SND1: variants seen among roughly 807,000 people sequenced by gnomAD.
SND1 encodes staphylococcal nuclease domain-containing protein 1.
Under a neutral mutation model 121.7 loss-of-function variants are expected in SND1, and 38 were observed. That is an observed-to-expected ratio of 0.31 (90% CI 0.24 to 0.41). The LOEUF is 0.41. Among genes scored for constraint, SND1 ranks in the 10% least tolerant of loss-of-function variants. The pLI is 1.00. For missense variants in SND1, 868 were observed against 1,184.6 expected (o/e 0.73, Z 3.92); for synonymous variants, 401 against 447.4 (o/e 0.90, Z 1.31).
chr7:127,844,212 A>G, intron 11 of SND1, 112 bp from the exon 12 acceptor site: 1 of 656,862 alleles, frequency 1.5e-6, no homozygotes, highest in Non-Finnish European at 2.4e-6. Flanking sequence ...TCTTAGATTC[A>G]GAAAACCAAA....
intron 10 of SND1, among the ~76,000 whole-genome samples, chr7:127,756,818 T>C (rs1206908328): frequency 1.3e-5 from 2 of 152,220 alleles, no homozygotes; most frequent in East Asian, 3.8e-4. Flanking sequence ...ACGGTACATA[T>C]TTTAAGAATT....
intron 2 of SND1, among the ~76,000 whole-genome samples, chr7:127,688,714 C>A (rs1370827453): frequency 1.3e-5 from 2 of 150,860 alleles, no homozygotes; most frequent in African/African-American, 4.9e-5. Flanking sequence ...AGTGTAAGAC[C>A]CTGTCTAAAA....
chr7:127,815,351 G>A (rs568131597), intron 11 of SND1, among the ~76,000 whole-genome samples: 34 of 152,292 alleles, frequency 2.2e-4, no homozygotes, highest in African/African-American at 6.3e-4. Flanking sequence ...ATAGCCAGGC[G>A]TGGTGGACTG....
chr7:127,823,397 A>G (rs1398633323), intron 11 of SND1, among the ~76,000 whole-genome samples: 2 of 152,038 alleles, frequency 1.3e-5, no homozygotes, highest in Non-Finnish European at 2.9e-5. Flanking sequence ...TCAACATCTT[A>G]TTTCCTTCTT....
At position 128,043,314 on chromosome 7, in the gene SND1, A is replaced by T. The variant is rs11979138; in HGVS notation, c.1780-31188A>T. 4.5e-3 allele frequency among the ~76,000 whole-genome samples: 678 copies of T among 152,254 alleles called. 9 individuals are homozygous for T. The highest frequency in any genetic ancestry group is 0.016 in the African/African-American group (650 of 41,534). On this transcript the variant is annotated intron_variant, in intron 16 of 23. Transcript: ENST00000354725. ...CTAATTATTTTGAATTTAGTCCATC[A>T]TAAATAATATACATGTAATAAGGCC...
At chr7:127,750,119 CAAA>C (rs760681942) in intron 10 of SND1, among the ~76,000 whole-genome samples, 3 of 151,896 alleles carry the variant, frequency 2.0e-5, no homozygotes, top group Non-Finnish European at 4.4e-5. Context: ...ATCAAACAAA[CAAA>C]AAAACGAGTA....
chr7:127,817,462 T>G (rs899746430), intron 11 of SND1, among the ~76,000 whole-genome samples: 2 of 152,162 alleles, frequency 1.3e-5, no homozygotes, highest in African/African-American at 4.8e-5. Context: ...ACAATTGCTT[T>G]CAAAATGCGT....
intron 12 of SND1, among the ~76,000 whole-genome samples, chr7:127,886,020 A>G (rs764036064): frequency 6.6e-6 from 1 of 152,020 alleles, no homozygotes; most frequent in African/African-American, 2.4e-5. Context: ...CAACATCTAC[A>G]TCTGCTGATT....
At chr7:127,886,361 C>A (rs1038016495) in intron 12 of SND1, among the ~76,000 whole-genome samples, 1 of 151,442 alleles carries the variant, frequency 6.6e-6, no homozygotes, top group Non-Finnish European at 1.5e-5. Context: ...CCTTAAATTG[C>A]GTAAACATGC....
chr7:127,751,880 A>G (rs1797103568), intron 10 of SND1, among the ~76,000 whole-genome samples: 4 of 152,144 alleles, frequency 2.6e-5, no homozygotes, highest in Admixed American at 2.6e-4. Flanking sequence ...GCTCTTAGTG[A>G]GGATGAGGCA....
intron 11 of SND1, among the ~76,000 whole-genome samples, chr7:127,820,364 C>T (rs530074686): frequency 6.6e-6 from 1 of 152,136 alleles, no homozygotes; most frequent in African/African-American, 2.4e-5. Context: ...CTAGTTTCTC[C>T]TATTGCTAGT....
At chr7:128,084,979 G>A in intron 19 of SND1, 132 bp downstream of exon 19, 1 of 907,368 alleles carries the variant, frequency 1.1e-6, no homozygotes, top group African/African-American at 1.7e-5. Context: ...GCTCTCCTGG[G>A]TGTCCCTCTT....
chr7:127,741,195 C>A (rs1416218147), intron 10 of SND1, among the ~76,000 whole-genome samples: 2 of 152,178 alleles, frequency 1.3e-5, no homozygotes, highest in Non-Finnish European at 2.9e-5. Context: ...ACCTGGGAAA[C>A]TTTTATTCTC....
At chr7:127,895,020 C>T (rs1800090458) in intron 13 of SND1, among the ~76,000 whole-genome samples, 1 of 151,888 alleles carries the variant, frequency 6.6e-6, no homozygotes, top group Non-Finnish European at 1.5e-5. Context: ...CTCTTTCCTC[C>T]CTCTTTATTT....
At chr7:127,801,439 G>A (rs774497093) in intron 10 of SND1, among the ~76,000 whole-genome samples, 16 of 151,952 alleles carry the variant, frequency 1.1e-4, no homozygotes, top group Non-Finnish European at 2.1e-4. Flanking sequence ...TCAATTGTCC[G>A]TTATTTACTG....
chr7:127,984,644 T>C (rs928390429), intron 15 of SND1, among the ~76,000 whole-genome samples: 1 of 152,278 alleles, frequency 6.6e-6, no homozygotes, highest in Non-Finnish European at 1.5e-5. Context: ...GCTGGAAAGA[T>C]TAAAATCTGA....
intron 16 of SND1, among the ~76,000 whole-genome samples, chr7:128,047,966 G>C (rs1229208270): frequency 6.6e-6 from 1 of 151,828 alleles, no homozygotes; most frequent in Non-Finnish European, 1.5e-5. Flanking sequence ...TCCTGCCTCA[G>C]CCTCCCGAGT....
chr7:127,798,561 T>A (rs1798068384), intron 10 of SND1, among the ~76,000 whole-genome samples: 1 of 152,232 alleles, frequency 6.6e-6, no homozygotes, highest in South Asian at 2.1e-4. Context: ...TCTCCCATTT[T>A]TATTAACCTA....
At position 128,070,756 on chromosome 7, in the gene SND1, T is replaced by C. The variant is rs1212454793; in HGVS notation, c.1780-3746T>C. Among the ~76,000 whole-genome samples the C allele has an allele frequency of 3.4e-4, 51 of 152,208 alleles. 2 individuals are homozygous for C. The highest frequency in any genetic ancestry group is 3.3e-3 in the Admixed American group (51 of 15,286). On this transcript the variant is annotated intron_variant, in intron 16 of 23. Coordinates refer to ENST00000354725, the MANE Select transcript of SND1 (RefSeq NM_014390.4). ...CCAGTTTGAGGCAACTTGTGGGAAT[T>C]AACTCTATGTGTCTATACAGTATAC...
Sources: gnomAD v4.1 joint callset for allele counts (sites outside exome capture counted in the v4.1 genomes callset) on GRCh38, gnomAD v4.1.1 for gene constraint, MANE v1.5 for transcripts, NCBI Gene and HGNC (gene_info 2026-07-23, HGNC 2026-07-21) for gene names.